PHKG2: variants seen among roughly 807,000 people sequenced by gnomAD.
PHKG2 encodes the protein phosphorylase kinase catalytic subunit gamma 2.
Under a neutral mutation model 44.5 loss-of-function variants are expected in PHKG2, and 28 were observed. That is an observed-to-expected ratio of 0.63 (90% CI 0.47 to 0.86). The LOEUF is 0.86. Among genes scored for constraint, PHKG2 ranks in the 40% least tolerant of loss-of-function variants. The pLI is 0.00. For synonymous variants in PHKG2, 220 were observed against 211.2 expected (o/e 1.04, Z -0.36); for missense variants, 498 against 547.5 (o/e 0.91, Z 0.90).
Position 30,759,828 on chromosome 16 carries a change from C to G in PHKG2, c.*2731C>G. The stretch of plus-strand genomic sequence containing the variant: ...CCATGAGCTTCAGAAGCAGACAGAT[C>G]TGGGTTTCAGCACTGGCTTGTTTCC... On this transcript the variant is annotated 3_prime_UTR_variant, in exon 10 of 10. Coordinates refer to ENST00000563588, the MANE Select transcript of PHKG2 (RefSeq NM_000294.3). The G allele has an allele frequency of 6.7e-7, 1 of 1,496,598 alleles. No individual in the cohort carries two copies. Among genetic ancestry groups the G allele is most frequent in the Non-Finnish European group, 8.9e-7 (1 of 1,126,970 alleles). The allele number at this position is 1,496,598 out of a possible 1,614,324, so 92.7% of individuals were successfully genotyped here.
chr16:30,748,576 C>T (rs2053283241), intron 1 of PHKG2, 86 bp downstream of exon 1: 2 of 559,476 alleles, frequency 3.6e-6, no homozygotes, highest in Non-Finnish European at 3.2e-6. Flanking sequence ...TGCGCCCCTT[C>T]CCCCTGCCTC....
At position 30,748,479 on chromosome 16, in the gene PHKG2, C is replaced by G. The variant is rs939955928; in HGVS notation, c.-30C>G. 1 of 373,976 alleles carries G rather than the reference C, an allele frequency of 2.7e-6. No homozygotes were observed. Among genetic ancestry groups the G allele is most frequent in the African/African-American group, 2.2e-5 (1 of 46,406 alleles). 23.2% of individuals were successfully genotyped at this position (373,976 alleles called of 1,614,324 possible). A position where few individuals can be genotyped will look rare whatever the true frequency, so the allele number is the denominator to read the frequency against. On this transcript the variant is annotated 5_prime_UTR_variant, in exon 1 of 10. Transcript: ENST00000563588. ...CTCGCGTCGACCCTGGCTCCTCTGC[C>G]TGCCCCCTCAGGTGAGCCTGCGCTA...
In PHKG2 at chr16:30,759,935, G is replaced by A. The variant is rs2053633893; in HGVS notation, c.*2838G>A. ...CACTGAACAAGACAGACAAGGTCCT[G>A]CCCTTACGAAGCTTATATTCTAGGG... On this transcript the variant is annotated 3_prime_UTR_variant, in exon 10 of 10. Coordinates refer to ENST00000563588, the MANE Select transcript of PHKG2 (RefSeq NM_000294.3). 2.8e-6 allele frequency: 4 copies of A among 1,440,658 alleles called. No homozygotes were observed. The highest frequency in any genetic ancestry group is 3.6e-6 in the Non-Finnish European group (4 of 1,101,810). 89.2% of individuals were successfully genotyped at this position (1,440,658 alleles called of 1,614,324 possible). A position where few individuals can be genotyped will look rare whatever the true frequency, so the allele number is the denominator to read the frequency against.
In PHKG2 at chr16:30,760,712, C is replaced by T; in HGVS notation, c.*3615C>T. 6.5e-7 allele frequency: 1 copy of T among 1,532,554 alleles called. No individual in the cohort carries two copies. The allele number at this position is 1,532,554 out of a possible 1,614,324, so 94.9% of individuals were successfully genotyped here. ...AAGAGTATTGGTGGCCGTTACCTATCATGACAAGGCTGTGACAGCTAGTGC... is the reference window on the plus strand; with the variant it reads ...AAGAGTATTGGTGGCCGTTACCTATTATGACAAGGCTGTGACAGCTAGTGC... On this transcript the variant is annotated 3_prime_UTR_variant, in exon 10 of 10. Coordinates refer to ENST00000563588, the MANE Select transcript of PHKG2 (RefSeq NM_000294.3).
rs1009656260 is a variant in PHKG2, at chr16:30,757,747, C to G, written c.*650C>G. 35 of 1,489,886 alleles carry G rather than the reference C, an allele frequency of 2.3e-5. No homozygotes were observed. The highest frequency in any genetic ancestry group is 3.0e-5 in the Non-Finnish European group (34 of 1,123,792). The allele number at this position is 1,489,886 out of a possible 1,614,324, so 92.3% of individuals were successfully genotyped here. A position where few individuals can be genotyped will look rare whatever the true frequency, so the allele number is the denominator to read the frequency against. The stretch of plus-strand genomic sequence containing the variant: ...AGTTGGGCAAACAGTCCCCAAATTT[C>G]CCCTGGTGGGGATATAGAGGTAGCA... On this transcript the variant is annotated 3_prime_UTR_variant, in exon 10 of 10. Coordinates refer to ENST00000563588, the MANE Select transcript of PHKG2 (RefSeq NM_000294.3).
Position 30,760,784 on chromosome 16 carries a change from A to T in PHKG2, c.*3687A>T, listed in dbSNP as rs959959467. On this transcript the variant is annotated 3_prime_UTR_variant, in exon 10 of 10. Coordinates refer to ENST00000563588, the MANE Select transcript of PHKG2 (RefSeq NM_000294.3). ...CGGCGTGAAGCTGGGCTCTTTTGCC[A>T]GCTTGCTGTGTGACTATGCAAATCG... 5.5e-6 allele frequency: 5 copies of T among 901,688 alleles called. No homozygotes were observed. The Admixed American group carries it at 1.0e-4, about 18-fold the overall frequency. 55.9% of individuals were successfully genotyped at this position (901,688 alleles called of 1,614,324 possible).
At position 30,758,738 on chromosome 16, in the gene PHKG2, A is replaced by G. The variant is rs2053539818; in HGVS notation, c.*1641A>G. ...GCCTGGCTATTTTTTGTATTTTAGT[A>G]GATAGGGGGTTTCACGGTGTTGCCC... On this transcript the variant is annotated 3_prime_UTR_variant, in exon 10 of 10. Coordinates refer to ENST00000563588, the MANE Select transcript of PHKG2 (RefSeq NM_000294.3). 2.2e-6 allele frequency: 1 copy of G among 462,970 alleles called. No individual in the cohort carries two copies. Among genetic ancestry groups the G allele is most frequent in the African/African-American group, 2.0e-5 (1 of 50,560 alleles). 28.7% of individuals were successfully genotyped at this position (462,970 alleles called of 1,614,324 possible). A position where few individuals can be genotyped will look rare whatever the true frequency, so the allele number is the denominator to read the frequency against.
intron 6 of PHKG2, 140 bp downstream of exon 6, chr16:30,753,697 C>A: frequency 1.2e-6 from 1 of 802,774 alleles, no homozygotes; most frequent in Non-Finnish European, 2.0e-6. Context: ...ATCCTGTGGG[C>A]GCAAAGCCTA....
chr16:30,756,810 G>T lies in PHKG2; in HGVS notation c.934G>T (p.Val312Leu). The change falls in exon 10 of 10, where the codon GTG (valine) becomes TTG (leucine). Residue 312 changes from valine (V) to leucine (L), a missense_variant. Coordinates refer to ENST00000563588, the MANE Select transcript of PHKG2 (RefSeq NM_000294.3). ...ACCCTGCCCCCCTTCCCAGGTGGCA[G>T]TGTGGACAGTGCTGGCTGCTGGACG... ...LTPRQRFRVAVWTVLAAGRVA... is the reference protein window; with the variant it reads ...LTPRQRFRVALWTVLAAGRVA... 5 of 1,614,172 alleles carry T rather than the reference G, an allele frequency of 3.1e-6. No individual in the cohort carries two copies. Among genetic ancestry groups the T allele is most frequent in the Non-Finnish European group, 4.2e-6 (5 of 1,180,034 alleles).
At position 30,748,464 on chromosome 16, in the gene PHKG2, C is replaced by G. The variant is rs1295686581; in HGVS notation, c.-45C>G. On this transcript the variant is annotated 5_prime_UTR_variant, in exon 1 of 10. Transcript: ENST00000563588. ...CCGGCGACAGCGCAGCTCGCGTCGA[C>G]CCTGGCTCCTCTGCCTGCCCCCTCA... The G allele has an allele frequency of 8.8e-6, 3 of 341,318 alleles. No individual in the cohort carries two copies. In the East Asian group the frequency reaches 1.7e-4, roughly 20 times the overall value. 21.1% of individuals were successfully genotyped at this position (341,318 alleles called of 1,614,324 possible). A position where few individuals can be genotyped will look rare whatever the true frequency, so the allele number is the denominator to read the frequency against.
In PHKG2 at chr16:30,755,538, T is replaced by C. The variant is rs552576871; in HGVS notation, c.557-644T>C. Among the ~76,000 whole-genome samples, 6 of 152,080 alleles carry C rather than the reference T, an allele frequency of 3.9e-5. No individual in the cohort carries two copies. The South Asian group carries it at 8.3e-4, about 21-fold the overall frequency. ...AAAGATTCAAAAAATTAGCCAGGCG[T>C]GGTGGCACGTGCCTGTAATCCCAGC... On this transcript the variant is annotated intron_variant, in intron 6 of 9. Coordinates refer to ENST00000563588, the MANE Select transcript of PHKG2 (RefSeq NM_000294.3).
chr16:30,760,779 T>C lies in PHKG2; in HGVS notation c.*3682T>C, dbSNP rs2053715703. 3.3e-6 allele frequency: 3 copies of C among 920,638 alleles called. No homozygotes were observed. Among genetic ancestry groups the C allele is most frequent in the Admixed American group, 4.0e-5 (2 of 49,896 alleles). 57.0% of individuals were successfully genotyped at this position (920,638 alleles called of 1,614,324 possible). A position where few individuals can be genotyped will look rare whatever the true frequency, so the allele number is the denominator to read the frequency against. On this transcript the variant is annotated 3_prime_UTR_variant, in exon 10 of 10. Coordinates refer to ENST00000563588, the MANE Select transcript of PHKG2 (RefSeq NM_000294.3). ...GCCACCGGCGTGAAGCTGGGCTCTT[T>C]TGCCAGCTTGCTGTGTGACTATGCA...
At chr16:30,755,195 T>C (rs1472369003) in intron 6 of PHKG2, 2 of 268,588 alleles carry the variant, frequency 7.4e-6, no homozygotes, top group Non-Finnish European at 1.5e-5. Flanking sequence ...TGAGCTGTGA[T>C]AGTGCCACCA....
chr16:30,757,479 C>G lies in PHKG2; in HGVS notation c.*382C>G. ...TTATTGGGGAAAATGTTGGGGGTCA[C>G]TTGGTCTTGCTCTTGCCTTTACCCG... On this transcript the variant is annotated 3_prime_UTR_variant, in exon 10 of 10. Coordinates refer to ENST00000563588, the MANE Select transcript of PHKG2 (RefSeq NM_000294.3). The G allele has an allele frequency of 1.2e-6, 2 of 1,612,904 alleles. No individual in the cohort carries two copies. The highest frequency in any genetic ancestry group is 1.7e-6 in the Non-Finnish European group (2 of 1,179,172).
At position 30,751,182 on chromosome 16, in the gene PHKG2, A is replaced by T; in HGVS notation, c.172A>T (p.Thr58Ser). ...GTTTGCGGTGAAGATTATGGAAGTG[A>T]CAGCTGAGCGGCTGAGTCCTGAGCA... ...HEFAVKIMEV[T>S]AERLSPEQLE... is the part of the protein sequence containing the mutation. Residue 58 changes from threonine (T) to serine (S), a missense_variant, in exon 3 of 10, where the codon ACA (threonine) becomes TCA (serine). Thr to Ser is a moderately conservative substitution (Grantham distance 58). Coordinates refer to ENST00000563588, the MANE Select transcript of PHKG2 (RefSeq NM_000294.3). The T allele has an allele frequency of 6.2e-7, 1 of 1,613,890 alleles. No individual in the cohort carries two copies. The highest frequency in any genetic ancestry group is 8.5e-7 in the Non-Finnish European group (1 of 1,180,006).
Position 30,758,116 on chromosome 16 carries a change from G to A in PHKG2, c.*1019G>A, listed in dbSNP as rs1363734038. On this transcript the variant is annotated 3_prime_UTR_variant, in exon 10 of 10. Coordinates refer to ENST00000563588, the MANE Select transcript of PHKG2 (RefSeq NM_000294.3). ...AGATGGAGTCTTGCTTTATCCCCCA[G>A]GCTGGAGTGCAGTGGCAGCGATCTC... is the stretch of plus-strand genomic sequence containing the variant. 1 of 148,730 alleles carries A rather than the reference G, an allele frequency of 6.7e-6. No homozygotes were observed. Among genetic ancestry groups the A allele is most frequent in the Non-Finnish European group, 1.5e-5 (1 of 68,062 alleles). 9.2% of individuals were successfully genotyped at this position (148,730 alleles called of 1,614,324 possible). A position where few individuals can be genotyped will look rare whatever the true frequency, so the allele number is the denominator to read the frequency against.
At position 30,759,249 on chromosome 16, in the gene PHKG2, T is replaced by C; in HGVS notation, c.*2152T>C. 2 of 1,614,062 alleles carry C rather than the reference T, an allele frequency of 1.2e-6. No homozygotes were observed. The highest frequency in any genetic ancestry group is 1.7e-6 in the Non-Finnish European group (2 of 1,179,982). On this transcript the variant is annotated 3_prime_UTR_variant, in exon 10 of 10. Coordinates refer to ENST00000563588, the MANE Select transcript of PHKG2 (RefSeq NM_000294.3). ...AGTCAAAGACAGATCCAGCCGCACC[T>C]GGGAAGCAAGGCAGAGGGAGGCTGA...
In PHKG2 at chr16:30,756,739, T is replaced by C. The variant is rs369399678; in HGVS notation, c.927+24T>C. 3 of 1,613,990 alleles carry C rather than the reference T, an allele frequency of 1.9e-6. No individual in the cohort carries two copies. The Admixed American group carries it at 5.0e-5, about 27-fold the overall frequency. On this transcript the variant is annotated intron_variant, in intron 9 of 9. Transcript: ENST00000563588. The stretch of plus-strand genomic sequence containing the variant: ...GGGTAAGCCTGAGTGTATCAGGGTC[T>C]GGGCCCGTTTCTCTGTCCCATGATC...
Position 30,759,312 on chromosome 16 carries a change from GGT to G in PHKG2, c.*2217_*2218del. ...TGTGCTGAGGGGAGGGGCGGTTGAGGGTGGCTCCTCATGGTCCACCACCCCCT... is the reference window on the plus strand; with the variant it reads ...TGTGCTGAGGGGAGGGGCGGTTGAGGGGCTCCTCATGGTCCACCACCCCCT... On this transcript the variant is annotated 3_prime_UTR_variant, in exon 10 of 10. Coordinates refer to ENST00000563588, the MANE Select transcript of PHKG2 (RefSeq NM_000294.3). The G allele has an allele frequency of 1.2e-6, 2 of 1,612,638 alleles. No homozygotes were observed. Among genetic ancestry groups the G allele is most frequent in the South Asian group, 2.2e-5 (2 of 91,064 alleles).
Sources: gnomAD v4.1 joint callset for allele counts (sites outside exome capture counted in the v4.1 genomes callset) on GRCh38, gnomAD v4.1.1 for gene constraint, MANE v1.5 for transcripts, NCBI Gene and HGNC (gene_info 2026-07-23, HGNC 2026-07-21) for gene names.